The following MAST2 variants were observed in gnomAD, a reference collection of about 807,000 sequenced individuals.
The protein encoded by MAST2 is microtubule associated serine/threonine kinase 2, also known as microtubule-associated serine/threonine-protein kinase 2.
MAST2 carries 70 observed loss-of-function variants against 147.4 expected under a neutral mutation model. The ratio of observed to expected loss-of-function variants is 0.47; its 90% CI spans 0.39 to 0.58. The LOEUF is 0.58. Among genes scored for constraint, MAST2 ranks in the 20% least tolerant of loss-of-function variants. MAST2 has a pLI of 0.00. For synonymous variants in MAST2, 869 were observed against 896.8 expected (o/e 0.97, Z 0.55); for missense variants, 2,080 against 2,302.3 (o/e 0.90, Z 1.98).
At chr1:45,837,339 T>G (rs996979603) in intron 3 of MAST2, among the ~76,000 whole-genome samples, 1 of 152,254 alleles carries the variant, frequency 6.6e-6, no homozygotes, top group Non-Finnish European at 1.5e-5. Flanking sequence ...GGTTTTGCCT[T>G]TTCCAGAATT....
chr1:46,027,835 A>T lies in MAST2; in HGVS notation c.2024A>T (p.Lys675Met). 1 of 1,614,102 alleles carries T rather than the reference A, an allele frequency of 6.2e-7. No individual in the cohort carries two copies. The highest frequency in any genetic ancestry group is 1.1e-5 in the South Asian group (1 of 91,068). Residue 675 changes from lysine to methionine, a missense_variant, in exon 17 of 29, where the codon AAG becomes ATG. Around this residue, in one of 4 missense-constraint regions of MAST2, gnomAD observed 209 missense variants for 309.5 expected, o/e 0.68. Transcript: ENST00000361297. The stretch of plus-strand genomic sequence containing the variant: ...AACTTGTATGAGGGTCATATTGAAA[A>T]GGATGCCCGGGAATTCCTGGACAAG... ...TTNLYEGHIE[K>M]DAREFLDKQV...
intron 21 of MAST2, 168 bp downstream of exon 21, chr1:46,030,406 A>G: frequency 1.2e-6 from 1 of 828,366 alleles, no homozygotes. Flanking sequence ...AGGTGCTTCT[A>G]GAACCACTGC....
At chr1:45,979,332 C>T (rs754478063) in intron 5 of MAST2, among the ~76,000 whole-genome samples, 17 of 152,074 alleles carry the variant, frequency 1.1e-4, no homozygotes, top group Non-Finnish European at 2.1e-4. Context: ...GATGAATCAT[C>T]ACTTACCTTT....
At chr1:45,814,061 C>T (rs1644380443) in intron 1 of MAST2, among the ~76,000 whole-genome samples, 2 of 152,160 alleles carry the variant, frequency 1.3e-5, no homozygotes, top group African/African-American at 4.8e-5. Flanking sequence ...CTGTGTAAAA[C>T]CTACTGCACT....
chr1:45,864,544 A>G (rs776129629), intron 3 of MAST2, among the ~76,000 whole-genome samples: 30 of 152,234 alleles, frequency 2.0e-4, no homozygotes, highest in Non-Finnish European at 3.5e-4. Flanking sequence ...AGTCAAAACA[A>G]TAACTGGTTT....
At chr1:45,933,282 C>T (rs1404508757) in intron 4 of MAST2, among the ~76,000 whole-genome samples, 1 of 151,286 alleles carries the variant, frequency 6.6e-6, no homozygotes, top group Non-Finnish European at 1.5e-5. Context: ...ACATGGTTGC[C>T]CATACTTAGG....
At chr1:45,917,355 C>T (rs1435300249) in intron 4 of MAST2, 10 of 1,366,026 alleles carry the variant, frequency 7.3e-6, no homozygotes, top group African/African-American at 1.5e-5. Flanking sequence ...TACCCTTTGC[C>T]GAGGAGCTGA....
At chr1:45,889,952 C>T (rs973922763) in intron 4 of MAST2, among the ~76,000 whole-genome samples, 1 of 152,088 alleles carries the variant, frequency 6.6e-6, no homozygotes, top group Non-Finnish European at 1.5e-5. Flanking sequence ...ACCATGTTGG[C>T]CATGATGGTC....
rs527770278 is a variant in MAST2 at position 45,808,293 on chromosome 1, C to T, written c.177+4221C>T. 7.2e-5 allele frequency among the ~76,000 whole-genome samples: 11 copies of T among 152,196 alleles called. No homozygotes were observed. In the East Asian group the frequency reaches 1.7e-3, roughly 24 times the overall value. ...TCGCCCAGGCTGGAGTGCAGTGGCG[C>T]GATCTCGGCTTATTGTAACCTCTGC... is the stretch of plus-strand genomic sequence containing the variant. On this transcript the variant is annotated intron_variant, in intron 1 of 28. Transcript: ENST00000361297.
chr1:45,927,537 A>G (rs1253015521), intron 4 of MAST2, among the ~76,000 whole-genome samples: 1 of 151,592 alleles, frequency 6.6e-6, no homozygotes, highest in Non-Finnish European at 1.5e-5. Context: ...TTTGCTTTTG[A>G]AAGAAGAGAA....
At chr1:45,871,505 A>AATAT (rs772605861) in intron 3 of MAST2, among the ~76,000 whole-genome samples, 74 of 152,284 alleles carry the variant, frequency 4.9e-4, no homozygotes, top group Non-Finnish European at 7.5e-4. Context: ...TAACTCTATA[A>AATAT]GGAGAGTCAC....
At position 45,835,405 on chromosome 1, in the gene MAST2, T is replaced by C. The variant is rs182464622; in HGVS notation, c.468+5824T>C. On this transcript the variant is annotated intron_variant, in intron 3 of 28. Coordinates refer to ENST00000361297, the MANE Select transcript of MAST2 (RefSeq NM_015112.3). The stretch of plus-strand genomic sequence containing the variant: ...GTGAGAATAGAAGTAATCTAAAATG[T>C]TCAAGTCATGATTACCAATAACCAT... Among the ~76,000 whole-genome samples, 78 of 152,262 alleles carry C rather than the reference T, an allele frequency of 5.1e-4. 2 individuals are homozygous for C. Among genetic ancestry groups the C allele is most frequent in the African/African-American group, 1.9e-3 (77 of 41,562 alleles).
chr1:45,848,404 A>C (rs1251946165), intron 3 of MAST2, among the ~76,000 whole-genome samples: 1 of 152,242 alleles, frequency 6.6e-6, no homozygotes, highest in African/African-American at 2.4e-5. Context: ...GTAGTAGGCA[A>C]GAGGGTGCCT....
chr1:45,979,044 G>A (rs1557996106), intron 5 of MAST2, among the ~76,000 whole-genome samples: 1 of 152,116 alleles, frequency 6.6e-6, no homozygotes. Context: ...TTGTATGAGA[G>A]AAAAACTAGA....
At chr1:46,008,242 C>T (rs1380432747) in intron 8 of MAST2, 54 bp from the exon 9 acceptor site, 1 of 1,334,608 alleles carries the variant, frequency 7.5e-7, no homozygotes, top group Non-Finnish European at 1.1e-6. Flanking sequence ...GGCCATCTTT[C>T]TTCTTGATAG....
intron 3 of MAST2, among the ~76,000 whole-genome samples, chr1:45,855,691 C>T (rs953874260): frequency 8.6e-5 from 13 of 151,742 alleles, no homozygotes; most frequent in African/African-American, 2.9e-4. Context: ...GGTTGGTTTT[C>T]GTGTGCCGAT....
Position 46,023,676 on chromosome 1 carries a change from CATTA to C in MAST2, c.1572-90_1572-87del, listed in dbSNP as rs536632288. 12 of 1,108,882 alleles carry C rather than the reference CATTA, an allele frequency of 1.1e-5. No individual in the cohort carries two copies. Among genetic ancestry groups the C allele is most frequent in the Non-Finnish European group, 1.6e-5 (12 of 757,776 alleles). The allele number at this position is 1,108,882 out of a possible 1,614,324, so 68.7% of individuals were successfully genotyped here. A position where few individuals can be genotyped will look rare whatever the true frequency, so the allele number is the denominator to read the frequency against. ...CATGCCCTTGCCCCCTTGTTCTGTG[CATTA>C]ATTAAGGTGTGAGAGAAGGCAGTTT... On this transcript the variant is annotated intron_variant, in intron 14 of 28. Transcript: ENST00000361297. The surrounding 1 kb of genome is among the most constrained non-coding windows in gnomAD (Gnocchi z 4.9).
intron 3 of MAST2, among the ~76,000 whole-genome samples, chr1:45,848,210 G>A (rs1366577430): frequency 1.3e-5 from 2 of 152,202 alleles, no homozygotes; most frequent in Non-Finnish European, 2.9e-5. Context: ...GCAGTCCTGA[G>A]ACTACTATCC....
Position 45,843,323 on chromosome 1 carries a change from T to C in MAST2, c.468+13742T>C, listed in dbSNP as rs1331710065. 2.0e-5 allele frequency among the ~76,000 whole-genome samples: 3 copies of C among 152,216 alleles called. No homozygotes were observed. In the East Asian group the frequency reaches 5.8e-4, roughly 29 times the overall value. On this transcript the variant is annotated intron_variant, in intron 3 of 28. Coordinates refer to ENST00000361297, the MANE Select transcript of MAST2 (RefSeq NM_015112.3). The stretch of plus-strand genomic sequence containing the variant: ...TTTCTGTTATTGCTTATGCTTTTGG[T>C]TTCATATCTAAGAATCCATTGCCAG...
Sources: allele counts gnomAD v4.1 joint callset (sites outside exome capture counted in the v4.1 genomes callset), GRCh38; gene constraint gnomAD v4.1.1; regional missense constraint gnomAD v4.1.1; non-coding constraint Gnocchi (gnomAD v3.1); transcripts MANE v1.5; gene names NCBI Gene and HGNC (gene_info 2026-07-23, HGNC 2026-07-21).